Variants in POPDC1 observed in about 807,000 individuals in gnomAD.
The protein encoded by POPDC1 is popeye domain cAMP effector 1.
chr6:105,107,603 A>G, the POPDC1 span, among the ~76,000 whole-genome samples: 5 of 152,212 alleles, frequency 3.3e-5, no homozygotes, highest in South Asian at 1.0e-3. Flanking sequence ...ACATTTCTGT[A>G]AGCTAATATA....
At chr6:105,101,363 A>G in the POPDC1 span, 1 of 868,060 alleles carries the variant, frequency 1.2e-6, no homozygotes, top group Non-Finnish European at 1.6e-6. Flanking sequence ...AAACCATTCT[A>G]TTTCAATCCA....
the POPDC1 span, among the ~76,000 whole-genome samples, chr6:105,106,010 C>G: frequency 1.3e-5 from 2 of 152,110 alleles, no homozygotes; most frequent in Non-Finnish European, 1.5e-5. Context: ...TCTATTAAAA[C>G]TATTTTTACA....
chr6:105,129,833 A>G, the POPDC1 span, among the ~76,000 whole-genome samples: 1 of 152,212 alleles, frequency 6.6e-6, no homozygotes, highest in Non-Finnish European at 1.5e-5. Context: ...AATGTCTTGC[A>G]ATTTAAAATG....
chr6:105,107,057 A>AT, the POPDC1 span, among the ~76,000 whole-genome samples: 3 of 151,938 alleles, frequency 2.0e-5, no homozygotes, highest in Admixed American at 6.6e-5. Flanking sequence ...CTTTCTACCT[A>AT]TTTTTTGTAT....
the POPDC1 span, among the ~76,000 whole-genome samples, chr6:105,123,409 G>GTT: frequency 1.3e-5 from 2 of 150,846 alleles, no homozygotes; most frequent in African/African-American, 4.9e-5. Flanking sequence ...GTTGTTGTTT[G>GTT]TTTTTTTTTG....
the POPDC1 span, among the ~76,000 whole-genome samples, chr6:105,105,814 A>G: frequency 6.6e-6 from 1 of 152,196 alleles, no homozygotes; most frequent in Non-Finnish European, 1.5e-5. Context: ...TGAGAACATG[A>G]GAGGAGAGAG....
At chr6:105,103,495 T>G in the POPDC1 span, among the ~76,000 whole-genome samples, 1 of 152,054 alleles carries the variant, frequency 6.6e-6, no homozygotes, top group South Asian at 2.1e-4. Context: ...AGCCCTGGTT[T>G]CCATCATATT....
the POPDC1 span, among the ~76,000 whole-genome samples, chr6:105,130,178 A>G: frequency 6.6e-6 from 1 of 152,198 alleles, no homozygotes; most frequent in South Asian, 2.1e-4. Context: ...ATACAGTTTT[A>G]CCTGATGGCA....
the POPDC1 span, among the ~76,000 whole-genome samples, chr6:105,127,765 C>CT: frequency 0.013 from 1,967 of 145,770 alleles, 13 homozygotes; most frequent in African/African-American, 0.022. Flanking sequence ...CTTTTCCTCT[C>CT]TTTTTTTTTT....
At chr6:105,118,469 T>C in the POPDC1 span, among the ~76,000 whole-genome samples, 131 of 152,348 alleles carry the variant, frequency 8.6e-4, no homozygotes, top group Middle Eastern at 0.01. Context: ...CTAAATTTCA[T>C]TCATTCTTTC....
the POPDC1 span, among the ~76,000 whole-genome samples, chr6:105,132,934 A>C: frequency 6.6e-6 from 1 of 152,242 alleles, no homozygotes; most frequent in Admixed American, 6.5e-5. Flanking sequence ...ACACACATTT[A>C]ATTCACAACA....
At chr6:105,132,773 A>G in the POPDC1 span, among the ~76,000 whole-genome samples, 2 of 152,210 alleles carry the variant, frequency 1.3e-5, no homozygotes, top group Non-Finnish European at 1.5e-5. Context: ...ACCAAAAAAA[A>G]TTTGTTTTAT....
At chr6:105,120,692 A>T in the POPDC1 span, among the ~76,000 whole-genome samples, 4 of 152,226 alleles carry the variant, frequency 2.6e-5, no homozygotes, top group Non-Finnish European at 2.9e-5. Context: ...ATTCCAAACC[A>T]ATTCTACAGC....
At chr6:105,104,299 C>T in the POPDC1 span, among the ~76,000 whole-genome samples, 1 of 152,138 alleles carries the variant, frequency 6.6e-6, no homozygotes, top group South Asian at 2.1e-4. Context: ...AACTTCAGCC[C>T]TTCCACATTC....
At chr6:105,133,734 ACT>A in the POPDC1 span, 1 of 593,514 alleles carries the variant, frequency 1.7e-6, no homozygotes, top group Non-Finnish European at 2.9e-6. Flanking sequence ...TTCAAATCCA[ACT>A]CTGTCACATA....
chr6:105,133,598 CAAGT>C, the POPDC1 span: 1 of 1,548,922 alleles, frequency 6.5e-7, no homozygotes. Context: ...CCTGTAAAAA[CAAGT>C]AAACAAAAGT....
the POPDC1 span, among the ~76,000 whole-genome samples, chr6:105,127,138 AAT>A: frequency 1.3e-5 from 2 of 152,198 alleles, no homozygotes; most frequent in Admixed American, 6.5e-5. Flanking sequence ...TGCTCCAACC[AAT>A]GTCACTATAG....
chr6:105,122,896 A>G, the POPDC1 span, among the ~76,000 whole-genome samples: 6,137 of 152,304 alleles, frequency 0.04, 425 homozygotes, highest in African/African-American at 0.14. Context: ...AGAATGTTGC[A>G]TAACAGTGAA....
At chr6:105,129,145 A>G in the POPDC1 span, among the ~76,000 whole-genome samples, 1 of 152,218 alleles carries the variant, frequency 6.6e-6, no homozygotes, top group Non-Finnish European at 1.5e-5. Flanking sequence ...AATATTATTC[A>G]TGTTCTCTCA....
Sources: gnomAD v4.1 joint callset for allele counts (sites outside exome capture counted in the v4.1 genomes callset) on GRCh38, gnomAD v4.1.1 for gene constraint, MANE v1.5 for transcripts, NCBI Gene and HGNC (gene_info 2026-07-23, HGNC 2026-07-21) for gene names.